Variants in ERCC6 observed in about 807,000 individuals in gnomAD.
ERCC6 encodes the protein ERCC excision repair 6, chromatin remodeling factor.
A neutral mutation model predicts 158.7 loss-of-function variants in ERCC6; 116 were observed. That is an observed-to-expected ratio of 0.73 (90% CI 0.63 to 0.85). The LOEUF (loss-of-function observed/expected upper bound fraction) is 0.85, where lower values mean the gene tolerates loss of function less well. ERCC6 is among the 40% of genes least tolerant of loss of function. The pLI, the probability that ERCC6 is intolerant of heterozygous loss-of-function variation, is 0.00. For synonymous variants in ERCC6, 678 were observed against 659.3 expected (o/e 1.03, Z -0.43); for missense variants, 1,698 against 1,799.4 (o/e 0.94, Z 1.02).
chr10:49,495,024 T>C (rs552755518), intron 7 of ERCC6, among the ~76,000 whole-genome samples: 1 of 152,306 alleles, frequency 6.6e-6, no homozygotes, highest in Non-Finnish European at 1.5e-5. Flanking sequence ...CGTCCTACAC[T>C]GTATTCCCTG....
Position 49,524,139 on chromosome 10 carries a change from C to T in ERCC6, c.1291G>A (p.Gly431Arg), listed in dbSNP as rs1837248177. 6.2e-7 allele frequency: 1 copy of T among 1,613,946 alleles called. No homozygotes were observed. The highest frequency in any genetic ancestry group is 1.3e-5 in the African/African-American group (1 of 74,896). The change falls in exon 5 of 21, where the codon GGG (glycine) becomes AGG (arginine). Residue 431 changes from glycine to arginine, a missense_variant. By Grantham distance (125) the Gly-to-Arg change is moderately radical. Coordinates refer to ENST00000355832, the MANE Select transcript of ERCC6 (RefSeq NM_000124.4). The part of the protein sequence containing the change: ...EIDDDFFPSS[G>R]EEAEAASVGE... ...ACAGAAGCAGCTTCAGCTTCTTCCC[C>T]AGAACTTGGGAAAAAGTCATCATCA...
At chr10:49,535,566 C>T (rs1319944017) in intron 1 of ERCC6, among the ~76,000 whole-genome samples, 1 of 152,150 alleles carries the variant, frequency 6.6e-6, no homozygotes, top group Non-Finnish European at 1.5e-5. Context: ...GTTAACAATT[C>T]TGTTTTCATT....
chr10:49,534,249 G>A (rs564263211), intron 1 of ERCC6, among the ~76,000 whole-genome samples: 31 of 151,236 alleles, frequency 2.0e-4, no homozygotes, highest in African/African-American at 7.5e-4. Context: ...ATACAGACAA[G>A]GAGAAGGATC....
At chr10:49,464,155 A>T (rs534342516) in intron 18 of ERCC6, among the ~76,000 whole-genome samples, 1 of 152,354 alleles carries the variant, frequency 6.6e-6, no homozygotes, top group South Asian at 2.1e-4. Flanking sequence ...ATGAACAGTA[A>T]GGTCCAAACT....
rs374408908 is a variant in ERCC6, at chr10:49,525,235, G to GAA, written c.653-460_653-459dup. The GAA allele has an allele frequency of 3.3e-3, 602 of 184,188 alleles. 5 individuals are homozygous for GAA. The highest frequency in any genetic ancestry group is 0.014 in the African/African-American group (577 of 41,820). 11.4% of individuals were successfully genotyped at this position (184,188 alleles called of 1,614,324 possible). The stretch of plus-strand genomic sequence containing the variant: ...CAGGGATCACCATGTACCTAAAAAG[G>GAA]AAAAACATAAATGTCAGCTCTATGC... On this transcript the variant is annotated intron_variant, in intron 4 of 20. Coordinates refer to ENST00000355832, the MANE Select transcript of ERCC6 (RefSeq NM_000124.4).
intron 4 of ERCC6, among the ~76,000 whole-genome samples, chr10:49,526,461 A>G (rs1008095034): frequency 6.6e-6 from 1 of 152,022 alleles, no homozygotes; most frequent in Non-Finnish European, 1.5e-5. Context: ...AGTTCTTTAT[A>G]CATCCTAGAT....
Position 49,506,196 on chromosome 10 carries a change from C to T in ERCC6, c.1398-184G>A, listed in dbSNP as rs1031824003. The T allele has an allele frequency of 7.0e-5, 44 of 630,988 alleles. No homozygotes were observed. In the South Asian group the frequency reaches 8.3e-4, roughly 12 times the overall value. 39.1% of individuals were successfully genotyped at this position (630,988 alleles called of 1,614,324 possible). On this transcript the variant is annotated intron_variant, in intron 5 of 20. Transcript: ENST00000355832. Reference sequence around the variant, plus strand: ...AAACAATTCTCTTCTCCAGCCATCTCAATTCATTTCTTATGTAAATTATTA... The same window carrying T: ...AAACAATTCTCTTCTCCAGCCATCTTAATTCATTTCTTATGTAAATTATTA...
chr10:49,479,207 A>G (rs1850933641), intron 10 of ERCC6, among the ~76,000 whole-genome samples: 1 of 152,156 alleles, frequency 6.6e-6, no homozygotes, highest in South Asian at 2.1e-4. Context: ...AAAAAATCTA[A>G]ATAGGCTTAA....
intron 12 of ERCC6, among the ~76,000 whole-genome samples, chr10:49,475,711 A>T (rs1162664583): frequency 6.6e-6 from 1 of 152,168 alleles, no homozygotes; most frequent in African/African-American, 2.4e-5. Flanking sequence ...TACCCTGGGG[A>T]CAATGAGAAT....
chr10:49,527,529 A>T (rs1837368733), intron 4 of ERCC6, among the ~76,000 whole-genome samples: 2 of 152,172 alleles, frequency 1.3e-5, no homozygotes, highest in African/African-American at 4.8e-5. Context: ...ACAAAAAATT[A>T]GCTGGGCATG....
intron 4 of ERCC6, among the ~76,000 whole-genome samples, chr10:49,525,916 T>C (rs1837307552): frequency 6.6e-6 from 1 of 151,696 alleles, no homozygotes; most frequent in African/African-American, 2.4e-5. Flanking sequence ...TTGTGCCCTG[T>C]GTCCACCTTC....
chr10:49,535,542 T>C (rs1275573244), intron 1 of ERCC6, among the ~76,000 whole-genome samples: 1 of 152,206 alleles, frequency 6.6e-6, no homozygotes, highest in Non-Finnish European at 1.5e-5. Flanking sequence ...TCAGAGTGTC[T>C]GTACTAGCTG....
At chr10:49,530,502 G>A (rs1837444614) in intron 3 of ERCC6, among the ~76,000 whole-genome samples, 1 of 152,160 alleles carries the variant, frequency 6.6e-6, no homozygotes, top group Non-Finnish European at 1.5e-5. Context: ...ATGGATGTGT[G>A]TGTCTATGTA....
At chr10:49,517,628 T>C (rs1264002382) in intron 5 of ERCC6, among the ~76,000 whole-genome samples, 1 of 144,190 alleles carries the variant, frequency 6.9e-6, no homozygotes, top group Non-Finnish European at 1.5e-5. Context: ...GTCTTCTTTC[T>C]TTTTTTTTTT....
intron 1 of ERCC6, among the ~76,000 whole-genome samples, chr10:49,538,731 C>G (rs369833110): frequency 6.6e-6 from 1 of 152,236 alleles, no homozygotes; most frequent in East Asian, 1.9e-4. Context: ...GGTCGCTGGC[C>G]GGCCAGGGAC....
chr10:49,524,441 T>C lies in ERCC6; in HGVS notation c.989A>G (p.Lys330Arg). The change falls in exon 5 of 21, where the codon AAG becomes AGG. Residue 330 changes from lysine to arginine, a missense_variant. Transcript: ENST00000355832. The part of the protein sequence containing the change: ...VLSKKEERLK[K>R]HIKKLQKRAL... Reference sequence around the variant, plus strand: ...CCTCTTCTGGAGTTTCTTGATGTGCTTTTTCAAACGCTCCTCTTTTTTGGA... The same window carrying C: ...CCTCTTCTGGAGTTTCTTGATGTGCCTTTTCAAACGCTCCTCTTTTTTGGA... 6.2e-7 allele frequency: 1 copy of C among 1,614,264 alleles called. No homozygotes were observed. The highest frequency in any genetic ancestry group is 8.5e-7 in the Non-Finnish European group (1 of 1,180,038).
Position 49,470,838 on chromosome 10 carries a change from T to G in ERCC6, c.3122A>C (p.Gln1041Pro), listed in dbSNP as rs139007661. The change falls in exon 18 of 21, where the codon CAA (glutamine) becomes CCA (proline). Residue 1041 changes from glutamine (Q) to proline (P), a missense_variant. Physicochemically the swap from Gln to Pro is moderately conservative, Grantham distance 76 (BLOSUM62 -1). Transcript: ENST00000355832. ...ATCATGGTCTGCTCCAAAGGCTGGT[T>G]GAATCCTTCTTTTTAGATGGCATTT... ...TPKCHLKRRI[Q>P]PAFGADHDVP... is the part of the protein sequence containing the mutation. The G allele has an allele frequency of 2.2e-3, 3,532 of 1,614,152 alleles. 4 individuals are homozygous for G. Among genetic ancestry groups the G allele is most frequent in the Admixed American group, 2.8e-3 (167 of 60,026 alleles).
chr10:49,519,391 A>G (rs918470241), intron 5 of ERCC6, among the ~76,000 whole-genome samples: 2 of 152,210 alleles, frequency 1.3e-5, no homozygotes, highest in African/African-American at 4.8e-5. Context: ...TAGAAAATAA[A>G]AACATAAAAG....
chr10:49,524,108 T>C lies in ERCC6; in HGVS notation c.1322A>G (p.Glu441Gly), dbSNP rs116733341. 119 of 1,613,702 alleles carry C rather than the reference T, an allele frequency of 7.4e-5. No individual in the cohort carries two copies. The highest frequency in any genetic ancestry group is 2.4e-4 in the African/African-American group (18 of 74,966). ...GEEAEAASVG[E>G]GGGGGRKVGR... ...CACTTTCCGACCTCCTCCTCCTCCT[T>C]CTCCTACAGAAGCAGCTTCAGCTTC... is the stretch of plus-strand genomic sequence containing the variant. Residue 441 changes from glutamate to glycine, a missense_variant, in exon 5 of 21, where the codon GAA (glutamate) becomes GGA (glycine). Transcript: ENST00000355832.
Sources: gnomAD v4.1 joint callset for allele counts (sites outside exome capture counted in the v4.1 genomes callset) on GRCh38, gnomAD v4.1.1 for gene constraint, MANE v1.5 for transcripts, NCBI Gene and HGNC (gene_info 2026-07-23, HGNC 2026-07-21) for gene names.